TNRC6B: variants seen among roughly 807,000 people sequenced by gnomAD.
TNRC6B encodes trinucleotide repeat-containing gene 6B protein.
In TNRC6B, 52 loss-of-function variants were observed where a neutral mutation model predicts 203.6. The ratio of observed to expected loss-of-function variants is 0.26; its 90% CI spans 0.20 to 0.32. TNRC6B has a LOEUF of 0.32. Ranked by LOEUF, TNRC6B falls within the 10% of genes least tolerant of loss-of-function variation. The pLI is 1.00. For synonymous variants in TNRC6B, 838 were observed against 845.7 expected (o/e 0.99, Z 0.16); for missense variants, 1,923 against 2,286.2 (o/e 0.84, Z 3.24).
intron 12 of TNRC6B, among the ~76,000 whole-genome samples, chr22:40,299,976 G>T (rs1479216422): frequency 6.6e-6 from 1 of 152,186 alleles, no homozygotes; most frequent in Admixed American, 6.5e-5. Context: ...CTGCCACTCT[G>T]TGGGTGTTTG....
chr22:40,165,036 C>A (rs2068906336), intron 4 of TNRC6B, among the ~76,000 whole-genome samples: 2 of 151,420 alleles, frequency 1.3e-5, no homozygotes, highest in Admixed American at 1.3e-4. Flanking sequence ...CCTGCCTCAG[C>A]CTCCCAAAGT....
intron 1 of TNRC6B, among the ~76,000 whole-genome samples, chr22:40,231,219 T>C (rs1312715377): frequency 6.6e-6 from 1 of 152,220 alleles, no homozygotes; most frequent in Non-Finnish European, 1.5e-5. Flanking sequence ...TTATAGTTGC[T>C]GACTATTCTG....
chr22:40,269,209 C>G (rs957095259), intron 5 of TNRC6B, among the ~76,000 whole-genome samples: 1 of 128,228 alleles, frequency 7.8e-6, no homozygotes, highest in African/African-American at 2.9e-5. Flanking sequence ...TCTTGGCTCA[C>G]TGCAACCTCC....
chr22:40,162,453 A>G (rs2068879415), intron 4 of TNRC6B, among the ~76,000 whole-genome samples: 1 of 152,160 alleles, frequency 6.6e-6, no homozygotes, highest in Non-Finnish European at 1.5e-5. Context: ...ACTTTCTGGG[A>G]ACCATTCTTT....
At chr22:40,294,176 C>T (rs988563825) in intron 12 of TNRC6B, among the ~76,000 whole-genome samples, 1 of 151,980 alleles carries the variant, frequency 6.6e-6, no homozygotes, top group Non-Finnish European at 1.5e-5. Flanking sequence ...TCACTTGAGC[C>T]CAAGAAGCCG....
intron 17 of TNRC6B, 115 bp from the exon 18 acceptor site, chr22:40,312,390 G>A (rs1463680161): frequency 1.9e-6 from 2 of 1,071,108 alleles, no homozygotes; most frequent in African/African-American, 3.2e-5. Context: ...AAATCTAAGA[G>A]ACAATAAATT....
chr22:40,259,327 C>G (rs1488945315), intron 3 of TNRC6B, among the ~76,000 whole-genome samples: 1 of 152,034 alleles, frequency 6.6e-6, no homozygotes, highest in Non-Finnish European at 1.5e-5. Flanking sequence ...CAGGTTCAAG[C>G]AATTCTCGTC....
intron 3 of TNRC6B, among the ~76,000 whole-genome samples, chr22:40,144,444 G>A (rs1401192954): frequency 6.6e-6 from 1 of 152,164 alleles, no homozygotes; most frequent in African/African-American, 2.4e-5. Context: ...GGGAGGCCGA[G>A]GCGGGCGGAT....
chr22:40,146,186 C>T (rs2068694008), intron 3 of TNRC6B, among the ~76,000 whole-genome samples: 1 of 152,134 alleles, frequency 6.6e-6, no homozygotes, highest in South Asian at 2.1e-4. Flanking sequence ...AAGTCTCTGC[C>T]TCAAGAAGTT....
At chr22:40,088,780 T>C (rs1440901747) in intron 1 of TNRC6B, among the ~76,000 whole-genome samples, 1 of 151,934 alleles carries the variant, frequency 6.6e-6, no homozygotes, top group East Asian at 1.9e-4. Context: ...AATGGAAGAA[T>C]AAATCATACA....
intron 1 of TNRC6B, among the ~76,000 whole-genome samples, chr22:40,059,136 T>C (rs2067826377): frequency 6.6e-6 from 1 of 152,220 alleles, no homozygotes; most frequent in African/African-American, 2.4e-5. Context: ...TCTCTTTTTG[T>C]CCCCATGCTC....
chr22:40,227,278 G>C (rs1161940932), intron 1 of TNRC6B, among the ~76,000 whole-genome samples: 2 of 150,480 alleles, frequency 1.3e-5, no homozygotes, highest in African/African-American at 4.9e-5. Flanking sequence ...GCCCAGGCTG[G>C]GTGCAAACAA....
rs145965004 is a variant in TNRC6B at position 40,061,104 on chromosome 22, A to G, written c.-121+16106A>G. Among the ~76,000 whole-genome samples, 19 of 152,332 alleles carry G rather than the reference A, an allele frequency of 1.2e-4. No individual in the cohort carries two copies. The East Asian group carries it at 1.9e-3, about 15-fold the overall frequency. ...TTGAATTCTTTTTGGTACACTTTGT[A>G]TAACTGAATCCTTTAAAATGTATTG... On this transcript the variant is annotated intron_variant, in intron 1 of 23. Coordinates refer to the TNRC6B transcript ENST00000301923.
At chr22:40,189,214 G>A (rs540958588) in intron 1 of TNRC6B, among the ~76,000 whole-genome samples, 34 of 152,198 alleles carry the variant, frequency 2.2e-4, no homozygotes, top group Non-Finnish European at 4.3e-4. Context: ...ATACTGAGAA[G>A]TGGCTATTGA....
chr22:40,167,615 C>T (rs1331322830), intron 4 of TNRC6B, among the ~76,000 whole-genome samples: 1 of 148,282 alleles, frequency 6.7e-6, no homozygotes, highest in Non-Finnish European at 1.5e-5. Flanking sequence ...AGACCAGGTG[C>T]CGTGGCTCAA....
At chr22:40,217,381 G>T (rs1872844476) in intron 1 of TNRC6B, among the ~76,000 whole-genome samples, 1 of 152,122 alleles carries the variant, frequency 6.6e-6, no homozygotes, top group African/African-American at 2.4e-5. Context: ...ATGACCCCAA[G>T]CAAGTGAGTG....
At chr22:40,313,047 G>A in intron 19 of TNRC6B, 50 bp downstream of exon 19, 1 of 1,446,518 alleles carries the variant, frequency 6.9e-7, no homozygotes, top group Non-Finnish European at 9.6e-7. Context: ...TTTTCATCAG[G>A]TTCCCTTTTA....
intron 12 of TNRC6B, among the ~76,000 whole-genome samples, chr22:40,286,110 A>G (rs1005614860): frequency 6.6e-6 from 1 of 152,184 alleles, no homozygotes; most frequent in Non-Finnish European, 1.5e-5. Flanking sequence ...TATAATTAAA[A>G]CTGCTTTATA....
At chr22:40,060,205 T>G (rs1569246618) in intron 1 of TNRC6B, among the ~76,000 whole-genome samples, 3 of 151,108 alleles carry the variant, frequency 2.0e-5, no homozygotes, top group Non-Finnish European at 4.4e-5. Flanking sequence ...CATGACTTTT[T>G]TTTTTATTAT....
Sources: allele counts gnomAD v4.1 joint callset (sites outside exome capture counted in the v4.1 genomes callset), GRCh38; gene constraint gnomAD v4.1.1; transcripts MANE v1.5; gene names NCBI Gene and HGNC (gene_info 2026-07-23, HGNC 2026-07-21).